The following NUP98 variants were observed in gnomAD, a reference collection of about 807,000 sequenced individuals.
The protein encoded by NUP98 is nucleoporin 98 and 96 precursor, also known as nuclear pore complex protein Nup98-Nup96.
Under a neutral mutation model 191.9 loss-of-function variants are expected in NUP98, and 26 were observed. The ratio of observed to expected loss-of-function variants is 0.14; its 90% CI spans 0.10 to 0.19. The LOEUF (loss-of-function observed/expected upper bound fraction) is 0.19, where lower values mean the gene tolerates loss of function less well. Among genes scored for constraint, NUP98 ranks in the 10% least tolerant of loss-of-function variants. NUP98 has a pLI of 1.00. For missense variants in NUP98, 1,941 were observed against 2,178.8 expected, an observed-to-expected ratio of 0.89 and a Z score of 2.17; for synonymous variants, 808 against 778.4, an observed-to-expected ratio of 1.04 and a Z score of -0.63.
chr11:3,768,551 A>T, intron 8 of NUP98, 30 bp downstream of exon 8: 1 of 1,499,346 alleles, frequency 6.7e-7, no homozygotes, highest in Non-Finnish European at 8.9e-7. Flanking sequence ...AAAATAAGAC[A>T]TGGAGGTAAG....
In NUP98 at chr11:3,706,479, G is replaced by A; in HGVS notation, c.2891C>T (p.Ala964Val). Residue 964 changes from alanine to valine, a missense_variant, in exon 21 of 33, where the codon GCA becomes GTA. This residue lies in a region of NUP98 where 1,030 missense variants were observed against 1,115.8 expected (regional missense o/e 0.92). Transcript: ENST00000324932. ...QEPVSASTHI[A>V]SSLGINPHVL... ...ATGTGGATTAATTCCCAGTGAAGATGCAATATGTGTTGAGGCAGACACAGG... is the reference window on the plus strand; with the variant it reads ...ATGTGGATTAATTCCCAGTGAAGATACAATATGTGTTGAGGCAGACACAGG... 6.2e-7 allele frequency: 1 copy of A among 1,614,132 alleles called. No individual in the cohort carries two copies. The highest frequency in any genetic ancestry group is 8.5e-7 in the Non-Finnish European group (1 of 1,180,004).
At chr11:3,744,974 G>A (rs1163414046) in intron 11 of NUP98, among the ~76,000 whole-genome samples, 1 of 152,120 alleles carries the variant, frequency 6.6e-6, no homozygotes, top group African/African-American at 2.4e-5. Context: ...CATACTACAT[G>A]CTCATCAAAA....
intron 30 of NUP98, 78 bp from the exon 31 acceptor site, chr11:3,679,786 CAGAA>C (rs1384531465): frequency 2.1e-6 from 3 of 1,398,786 alleles, no homozygotes; most frequent in Non-Finnish European, 2.9e-6. Context: ...GGCAGGAAGA[CAGAA>C]AGGAAGGAGA....
intron 18 of NUP98, among the ~76,000 whole-genome samples, chr11:3,716,790 A>G (rs1254221893): frequency 6.6e-6 from 1 of 152,156 alleles, no homozygotes. Flanking sequence ...GTATGCCACT[A>G]CCATACTGTT....
Position 3,744,579 on chromosome 11 carries a change from T to G in NUP98, c.1338A>C (p.Gly446=). The change falls in exon 12 of 33, where the codon GGA becomes GGC. Residue 446 remains glycine, a synonymous_variant. Transcript: ENST00000324932. The part of the protein sequence containing the change: ...QPKIGGPLGT[G]AFGAPGFNTT... ...TATTAAATCCAGGGGCCCCAAAGGC[T>G]CCTGTACCAAGAGGCCCTCCAATCT... 1 of 1,613,722 alleles carries G rather than the reference T, an allele frequency of 6.2e-7. No individual in the cohort carries two copies. Among genetic ancestry groups the G allele is most frequent in the East Asian group, 2.2e-5 (1 of 44,868 alleles).
At chr11:3,717,718 T>C (rs1311940250) in intron 18 of NUP98, among the ~76,000 whole-genome samples, 2 of 152,244 alleles carry the variant, frequency 1.3e-5, no homozygotes, top group Non-Finnish European at 2.9e-5. Context: ...TTGGGAAAAG[T>C]GGCAAAAGCA....
At chr11:3,695,706 G>T in intron 25 of NUP98, 100 bp from the exon 26 acceptor site, 1 of 866,586 alleles carries the variant, frequency 1.2e-6, no homozygotes, top group Non-Finnish European at 1.6e-6. Flanking sequence ...CTTCAGAAGG[G>T]AGGATTTAAC....
intron 22 of NUP98, 64 bp downstream of exon 22, chr11:3,705,136 A>G: frequency 6.6e-7 from 1 of 1,523,346 alleles, no homozygotes; most frequent in South Asian, 1.1e-5. Flanking sequence ...AGAAGAAGAA[A>G]AGTGAAAAGC....
Position 3,797,479 on chromosome 11 carries a change from G to A in NUP98, c.-108C>T, listed in dbSNP as rs2082729020. 2.3e-6 allele frequency: 1 copy of A among 431,690 alleles called. No individual in the cohort carries two copies. The highest frequency in any genetic ancestry group is 3.6e-5 in the East Asian group (1 of 28,126). 26.7% of individuals were successfully genotyped at this position (431,690 alleles called of 1,614,324 possible). A position where few individuals can be genotyped will look rare whatever the true frequency, so the allele number is the denominator to read the frequency against. Reference sequence around the variant, plus strand: ...TCACAGAGCAGCGCGCGGCCCCCACGAAACCGTCGCCGCCGCCGCTACCAC... The same window carrying A: ...TCACAGAGCAGCGCGCGGCCCCCACAAAACCGTCGCCGCCGCCGCTACCAC... On this transcript the variant is annotated 5_prime_UTR_variant, in exon 1 of 33. Coordinates refer to ENST00000324932, the MANE Select transcript of NUP98 (RefSeq NM_016320.5).
chr11:3,688,995 A>G (rs1020036614), intron 28 of NUP98, among the ~76,000 whole-genome samples: 1 of 151,906 alleles, frequency 6.6e-6, no homozygotes, highest in Non-Finnish European at 1.5e-5. Flanking sequence ...GTACTTTAGG[A>G]GGCCAGCGCA....
In NUP98 at chr11:3,712,010, A is replaced by C. The variant is rs1248090333; in HGVS notation, c.2742+554T>G. 7 of 1,049,112 alleles carry C rather than the reference A, an allele frequency of 6.7e-6. No homozygotes were observed. The African/African-American group carries it at 1.2e-4, about 17-fold the overall frequency. The allele number at this position is 1,049,112 out of a possible 1,614,324, so 65.0% of individuals were successfully genotyped here. ...AATTGCGATAAACAATGTAGGCCCTAATCTCCCCAAGCCAAATAATAATTC... is the reference window on the plus strand; with the variant it reads ...AATTGCGATAAACAATGTAGGCCCTCATCTCCCCAAGCCAAATAATAATTC... On this transcript the variant is annotated intron_variant, in intron 20 of 32. Coordinates refer to ENST00000324932, the MANE Select transcript of NUP98 (RefSeq NM_016320.5).
chr11:3,707,738 C>CAAAAAAAAAAAAAAAAAAAT (rs560101220), intron 20 of NUP98, among the ~76,000 whole-genome samples: 1 of 48,568 alleles, frequency 2.1e-5, no homozygotes, highest in African/African-American at 1.1e-4. Context: ...GACTCTGTCT[C>CAAAAAAAAAAAAAAAAAAAT]AAAAAAAAAA....
At chr11:3,770,470 C>T (rs1177779647) in intron 7 of NUP98, among the ~76,000 whole-genome samples, 1 of 151,422 alleles carries the variant, frequency 6.6e-6, no homozygotes, top group African/African-American at 2.4e-5. Flanking sequence ...GGGAGTAAGA[C>T]CCTAAAACCC....
intron 1 of NUP98, among the ~76,000 whole-genome samples, chr11:3,787,545 C>T (rs2082185118): frequency 6.6e-6 from 1 of 151,522 alleles, no homozygotes; most frequent in East Asian, 2.0e-4. Flanking sequence ...ATCATTCCAG[C>T]CTGGGTAACA....
Position 3,677,849 on chromosome 11 carries a change from G to A in NUP98, c.5074-1229C>T, listed in dbSNP as rs748075968. On this transcript the variant is annotated intron_variant, in intron 31 of 32. Transcript: ENST00000324932. ...TTGAATTATGTCTATTATGTGCCAG[G>A]CACTGTACTAGGAGTTGGAACTTTG... 5.4e-4 allele frequency among the ~76,000 whole-genome samples: 82 copies of A among 152,184 alleles called. 1 individual carries two copies. Among genetic ancestry groups the A allele is most frequent in the Admixed American group, 2.6e-4 (4 of 15,274 alleles).
Position 3,695,449 on chromosome 11 carries a change from C to A in NUP98, c.4167G>T (p.Pro1389=). ...LRIFALLAGK[P]VWQLSEKKQI... ...ATATTATGGTAAAAGTAGAAGATAC[C>A]GGTTTTCCAGCCAACAGAGCAAAGA... is the stretch of plus-strand genomic sequence containing the variant. Residue 1389 remains proline (P), a splice_region_variant and synonymous_variant, in exon 26 of 33, where the codon CCG becomes CCT. Coordinates refer to ENST00000324932, the MANE Select transcript of NUP98 (RefSeq NM_016320.5). 1 of 1,534,730 alleles carries A rather than the reference C, an allele frequency of 6.5e-7. No individual in the cohort carries two copies. The highest frequency in any genetic ancestry group is 8.8e-7 in the Non-Finnish European group (1 of 1,137,904).
chr11:3,757,133 A>G (rs1042820130), intron 10 of NUP98, among the ~76,000 whole-genome samples: 1 of 95,906 alleles, frequency 1.0e-5, no homozygotes, highest in Non-Finnish European at 2.0e-5. Flanking sequence ...ATCTATATCT[A>G]TATGTGTATA....
intron 1 of NUP98, among the ~76,000 whole-genome samples, chr11:3,794,555 G>A (rs777972952): frequency 1.2e-4 from 18 of 151,940 alleles, no homozygotes; most frequent in African/African-American, 3.1e-4. Flanking sequence ...TCAAACTCCT[G>A]AGCTCAGGCA....
intron 15 of NUP98, among the ~76,000 whole-genome samples, chr11:3,724,661 C>T (rs141922343): frequency 0.016 from 2,346 of 150,300 alleles, 62 homozygotes; most frequent in African/African-American, 0.054. Flanking sequence ...GGCATGGTGG[C>T]GGGTGCCTGT....
Sources: allele counts gnomAD v4.1 joint callset (sites outside exome capture counted in the v4.1 genomes callset), GRCh38; gene constraint gnomAD v4.1.1; regional missense constraint gnomAD v4.1.1; transcripts MANE v1.5; gene names NCBI Gene and HGNC (gene_info 2026-07-23, HGNC 2026-07-21).